Variants in RASA1 observed in about 807,000 individuals in gnomAD.
RASA1 encodes the protein ras GTPase-activating protein 1.
Under a neutral mutation model 132.2 loss-of-function variants are expected in RASA1, and 25 were observed. The ratio of observed to expected loss-of-function variants is 0.19; its 90% CI spans 0.14 to 0.26. The LOEUF is 0.26. RASA1 is among the 10% of genes least tolerant of loss of function. The pLI is 1.00. For synonymous variants in RASA1, 477 were observed against 449.9 expected (o/e 1.06, Z -0.76); for missense variants, 964 against 1,299.2 (o/e 0.74, Z 3.97).
At chr5:87,290,679 A>T (rs1306550103) in intron 1 of RASA1, among the ~76,000 whole-genome samples, 1 of 152,158 alleles carries the variant, frequency 6.6e-6, no homozygotes, top group Non-Finnish European at 1.5e-5. Flanking sequence ...GTCAGTCACT[A>T]ATCTTTTTAC....
chr5:87,349,081 T>TA (rs543373516), intron 7 of RASA1, 133 bp from the exon 8 acceptor site: 16,366 of 985,438 alleles, frequency 0.017, 1 homozygote, highest in Non-Finnish European at 0.019. Flanking sequence ...GAAATTATCT[T>TA]AAAAAAAAAA....
At position 87,287,729 on chromosome 5, in the gene RASA1, ATGTACACGCCATAGATATACCAT is replaced by A. The variant is rs1314147877; in HGVS notation, c.539+18741_539+18763del. 2.2e-4 allele frequency among the ~76,000 whole-genome samples: 20 copies of A among 89,524 alleles called. 3 individuals are homozygous for A. The highest frequency in any genetic ancestry group is 2.9e-4 in the East Asian group (1 of 3,432). The allele number at this position is 89,524 out of a possible 152,430, so 58.7% of individuals were successfully genotyped here. ...ATGTACACGCCATAGATATACCATTATGTACACGCCATAGATATACCATTATGTACACGCCATAGATATACCAT... is the reference window on the plus strand; with the variant it reads ...ATGTACACGCCATAGATATACCATTATATGTACACGCCATAGATATACCAT... On this transcript the variant is annotated intron_variant, in intron 1 of 24. Coordinates refer to ENST00000274376, the MANE Select transcript of RASA1 (RefSeq NM_002890.3).
chr5:87,311,411 C>CT (rs1755904736), intron 1 of RASA1, among the ~76,000 whole-genome samples: 1 of 152,198 alleles, frequency 6.6e-6, no homozygotes, highest in Non-Finnish European at 1.5e-5. Flanking sequence ...TCAGAAGTCT[C>CT]TGAGACCAAC....
At chr5:87,371,951 GTTATT>G (rs869268509) in intron 12 of RASA1, among the ~76,000 whole-genome samples, 162 bp from the exon 13 acceptor site, 1 of 149,426 alleles carries the variant, frequency 6.7e-6, no homozygotes. Context: ...TTATGTTATT[GTTATT>G]TTATTATTGG....
At chr5:87,324,960 T>C (rs998753759) in intron 1 of RASA1, among the ~76,000 whole-genome samples, 7 of 152,208 alleles carry the variant, frequency 4.6e-5, no homozygotes, top group Admixed American at 4.6e-4. Flanking sequence ...TTTTTTTATT[T>C]TTTTTTAACC....
chr5:87,312,102 T>C (rs566338894), intron 1 of RASA1, among the ~76,000 whole-genome samples: 69 of 152,372 alleles, frequency 4.5e-4, no homozygotes, highest in Non-Finnish European at 6.0e-4. Context: ...GATCACTGCA[T>C]GATGCAACCT....
rs756572506 is a variant in RASA1 at position 87,304,939 on chromosome 5, CTTTTTTTTTTTTT to C, written c.540-26398_540-26386del. 2.6e-4 allele frequency among the ~76,000 whole-genome samples: 17 copies of C among 64,414 alleles called. No individual in the cohort carries two copies. The East Asian group carries it at 3.1e-3, about 12-fold the overall frequency. The allele number at this position is 64,414 out of a possible 152,430, so 42.3% of individuals were successfully genotyped here. On this transcript the variant is annotated intron_variant, in intron 1 of 24. Coordinates refer to ENST00000274376, the MANE Select transcript of RASA1 (RefSeq NM_002890.3). ...TTGGCCTGTGTAACTTCTTTTAGTC[CTTTTTTTTTTTTT>C]TTTTTTTTTTGGTAAACGTCAGTTG...
At chr5:87,278,343 G>T (rs1754157180) in intron 1 of RASA1, among the ~76,000 whole-genome samples, 1 of 150,968 alleles carries the variant, frequency 6.6e-6, no homozygotes, top group Non-Finnish European at 1.5e-5. Context: ...TCAGGAGATC[G>T]AGACCATCCT....
At chr5:87,363,189 A>AT (rs1760245694) in intron 10 of RASA1, among the ~76,000 whole-genome samples, 159 bp from the exon 11 acceptor site, 1 of 152,058 alleles carries the variant, frequency 6.6e-6, no homozygotes, top group African/African-American at 2.4e-5. Flanking sequence ...TTTTGTACAG[A>AT]TTTGTTATAG....
intron 1 of RASA1, among the ~76,000 whole-genome samples, chr5:87,296,785 G>T (rs1755138718): frequency 6.6e-6 from 1 of 151,954 alleles, no homozygotes; most frequent in African/African-American, 2.4e-5. Flanking sequence ...ATTATTTTTA[G>T]GTTTTTAGGG....
intron 23 of RASA1, 99 bp downstream of exon 23, chr5:87,387,002 A>C (rs1467683033): frequency 8.6e-7 from 1 of 1,156,700 alleles, no homozygotes; most frequent in Non-Finnish European, 1.2e-6. Flanking sequence ...TTTCTATCCA[A>C]AACTAAAAAG....
At chr5:87,284,514 A>G (rs1162197465) in intron 1 of RASA1, among the ~76,000 whole-genome samples, 3 of 152,190 alleles carry the variant, frequency 2.0e-5, no homozygotes, top group African/African-American at 7.2e-5. Flanking sequence ...TTCCTCCTTG[A>G]TGAAGAAAGC....
At chr5:87,338,536 A>ATATATATATATATATATATTTT in intron 5 of RASA1, among the ~76,000 whole-genome samples, 13 of 85,196 alleles carry the variant, frequency 1.5e-4, no homozygotes, top group East Asian at 9.9e-4. Flanking sequence ...TATATATAAA[A>ATATATATATATATATATATTTT]TTTTTTTTTT....
chr5:87,282,131 TAGA>T (rs1754346811), intron 1 of RASA1, among the ~76,000 whole-genome samples: 1 of 152,144 alleles, frequency 6.6e-6, no homozygotes. Flanking sequence ...ACCTCTGGAG[TAGA>T]AGGATAGTCT....
intron 1 of RASA1, among the ~76,000 whole-genome samples, chr5:87,281,033 G>A (rs1754295402): frequency 6.6e-6 from 1 of 151,932 alleles, no homozygotes; most frequent in Non-Finnish European, 1.5e-5. Flanking sequence ...TTTGGCTATG[G>A]TTCCCAGTGT....
intron 11 of RASA1, among the ~76,000 whole-genome samples, chr5:87,366,861 G>A (rs902332330): frequency 5.9e-5 from 9 of 152,038 alleles, no homozygotes; most frequent in African/African-American, 2.2e-4. Context: ...GGCAAACCCC[G>A]TCTCTTTAAA....
At chr5:87,329,807 A>G (rs74614511) in intron 1 of RASA1, among the ~76,000 whole-genome samples, 4,865 of 152,264 alleles carry the variant, frequency 0.032, 161 homozygotes, top group African/African-American at 0.074. Flanking sequence ...GATATCCCAT[A>G]TATTTTCACA....
chr5:87,332,628 G>C lies in RASA1; in HGVS notation c.814G>C (p.Val272Leu). Residue 272 changes from valine to leucine, a missense_variant, in exon 3 of 25, where the codon GTT (valine) becomes CTT (leucine). Coordinates refer to ENST00000274376, the MANE Select transcript of RASA1 (RefSeq NM_002890.3). ...TAAAGGAGAAAAATTACTTTACCCAGTTGCACCACCAGAGGCAAGTAAAAT... is the reference window on the plus strand; with the variant it reads ...TAAAGGAGAAAAATTACTTTACCCACTTGCACCACCAGAGGCAAGTAAAAT... ...LLKGEKLLYP[V>L]APPEPVEDRR... 1 of 1,610,502 alleles carries C rather than the reference G, an allele frequency of 6.2e-7. No individual in the cohort carries two copies. Among genetic ancestry groups the C allele is most frequent in the Non-Finnish European group, 8.5e-7 (1 of 1,177,388 alleles).
At position 87,268,867 on chromosome 5, in the gene RASA1, C is replaced by T. The variant is rs1161281139; in HGVS notation, c.416C>T (p.Pro139Leu). 6.2e-7 allele frequency: 1 copy of T among 1,614,178 alleles called. No homozygotes were observed. The change falls in exon 1 of 25, where the codon CCT becomes CTT. Residue 139 changes from proline (P) to leucine (L), a missense_variant. By Grantham distance (98) the Pro-to-Leu change is moderately conservative (BLOSUM62 -3). Around this residue, in one of 6 missense-constraint regions of RASA1, gnomAD observed 326 missense variants for 275.8 expected, o/e 1.18. Coordinates refer to ENST00000274376, the MANE Select transcript of RASA1 (RefSeq NM_002890.3). The stretch of plus-strand genomic sequence containing the variant: ...GGCGGCGGTTTTCCCCCTCTGCCCC[C>T]TCCCCCTTACCTGCCCCCTTTGGGG... ...GPGGGFPPLP[P>L]PPYLPPLGAG... is the part of the protein sequence containing the mutation.
Sources: gnomAD v4.1 joint callset for allele counts (sites outside exome capture counted in the v4.1 genomes callset) on GRCh38, gnomAD v4.1.1 for gene constraint, gnomAD v4.1.1 regional missense constraint, MANE v1.5 for transcripts, NCBI Gene and HGNC (gene_info 2026-07-23, HGNC 2026-07-21) for gene names.